Variants in ZNF813 observed in about 807,000 individuals in gnomAD.
The protein encoded by ZNF813 is zinc finger protein 813.
Under a neutral mutation model 7.2 loss-of-function variants are expected in ZNF813, and 3 were observed. The ratio of observed to expected loss-of-function variants is 0.42; its 90% confidence interval spans 0.19 to 1.08. ZNF813 has a LOEUF of 1.08. Among genes scored for constraint, ZNF813 ranks in the 50% least tolerant of loss-of-function variants. The pLI, the probability that ZNF813 is intolerant of heterozygous loss-of-function variation, is 0.30. For synonymous variants in ZNF813, 227 were observed against 256.3 expected, an observed-to-expected ratio of 0.89 and a Z score of 1.09; for missense variants, 714 against 753.3, an observed-to-expected ratio of 0.95 and a Z score of 0.61.
intron 1 of ZNF813, among the ~76,000 whole-genome samples, chr19:53,478,926 T>G (rs2086394326): frequency 7.0e-6 from 1 of 143,868 alleles, no homozygotes; most frequent in Admixed American, 7.2e-5. Context: ...AAATTGTAGG[T>G]TTTTGTTTTT....
chr19:53,476,960 C>T (rs567930200), intron 1 of ZNF813, among the ~76,000 whole-genome samples: 1 of 152,282 alleles, frequency 6.6e-6, no homozygotes, highest in African/African-American at 2.4e-5. Flanking sequence ...CCGCGCCTGG[C>T]TGTGGGAGAG....
intron 1 of ZNF813, among the ~76,000 whole-genome samples, chr19:53,469,143 C>T (rs1200027318): frequency 6.6e-6 from 1 of 152,202 alleles, no homozygotes; most frequent in Non-Finnish European, 1.5e-5. Flanking sequence ...AGCCCTAAAT[C>T]CATTAAACCT....
chr19:53,476,717 G>A (rs1217184231), intron 1 of ZNF813, among the ~76,000 whole-genome samples: 1 of 151,746 alleles, frequency 6.6e-6, no homozygotes, highest in African/African-American at 2.4e-5. Context: ...GCAGTGGTGC[G>A]ATCTTGGCTC....
At chr19:53,490,239 C>G in intron 3 of ZNF813, 136 bp from the exon 4 acceptor site, 1 of 1,019,090 alleles carries the variant, frequency 9.8e-7, no homozygotes, top group East Asian at 2.5e-5. Flanking sequence ...AAGAATCTTA[C>G]GCTTTTGTGT....
At chr19:53,483,976 C>T (rs2086421297) in intron 2 of ZNF813, 139 bp downstream of exon 2, 1 of 1,555,996 alleles carries the variant, frequency 6.4e-7, no homozygotes, top group African/African-American at 1.4e-5. Context: ...CCCTCAGTCC[C>T]TCTTTTCTCA....
intron 1 of ZNF813, among the ~76,000 whole-genome samples, chr19:53,474,699 C>A (rs1307345038): frequency 2.0e-5 from 3 of 150,522 alleles, no homozygotes; most frequent in Non-Finnish European, 3.0e-5. Flanking sequence ...AAAAAAAAAA[C>A]CAGAAATGGC....
At chr19:53,468,210 C>T (rs959719684) in intron 1 of ZNF813, among the ~76,000 whole-genome samples, 1 of 112,596 alleles carries the variant, frequency 8.9e-6, no homozygotes. Context: ...TGTCTTAAGG[C>T]GCCCTCGCGC....
In ZNF813 at chr19:53,490,661, C is replaced by A. The variant is rs1319489790; in HGVS notation, c.429C>A (p.Ser143Arg). ...NKPIKDQLGSSFHSHLPELHM... is the reference protein window; with the variant it reads ...NKPIKDQLGSRFHSHLPELHM... Reference sequence around the variant, plus strand: ...CTATTAAAGATCAGCTTGGATCAAGCTTTCATTCGCATCTGCCTGAACTCC... The same window carrying A: ...CTATTAAAGATCAGCTTGGATCAAGATTTCATTCGCATCTGCCTGAACTCC... Residue 143 changes from serine to arginine, a missense_variant, in exon 4 of 4, where the codon AGC becomes AGA. This residue lies in a region of ZNF813 where 563 missense variants were observed against 554.2 expected (regional missense o/e 1.02). Coordinates refer to ENST00000396403, the MANE Select transcript of ZNF813 (RefSeq NM_001004301.4). The A allele has an allele frequency of 6.2e-7, 1 of 1,614,168 alleles. No individual in the cohort carries two copies. The highest frequency in any genetic ancestry group is 1.3e-5 in the African/African-American group (1 of 75,048).
chr19:53,490,889 G>T lies in ZNF813; in HGVS notation c.657G>T (p.Glu219Asp), dbSNP rs1247229513. 6.2e-7 allele frequency: 1 copy of T among 1,614,156 alleles called. No homozygotes were observed. Among genetic ancestry groups the T allele is most frequent in the South Asian group, 1.1e-5 (1 of 91,084 alleles). Reference sequence around the variant, plus strand: ...GAGAAAAGTCTTTCCAATGTAATGAGAGTGGCAAAGCCTTTAATTATAGCT... The same window carrying T: ...GAGAAAAGTCTTTCCAATGTAATGATAGTGGCAAAGCCTTTAATTATAGCT... ...HMREKSFQCN[E>D]SGKAFNYSSL... The change falls in exon 4 of 4, where the codon GAG (glutamate) becomes GAT (aspartate). Residue 219 changes from glutamate to aspartate, a missense_variant. Physicochemically the swap from Glu to Asp is conservative, Grantham distance 45. Transcript: ENST00000396403.
chr19:53,487,797 C>CA (rs35942754), intron 3 of ZNF813, among the ~76,000 whole-genome samples: 15,851 of 130,000 alleles, frequency 0.12, 1,141 homozygotes, highest in African/African-American at 0.18. Context: ...GACTCTGTCT[C>CA]AAAAAAAAAA....
chr19:53,479,290 G>T (rs1267913073), intron 1 of ZNF813: 1 of 1,495,400 alleles, frequency 6.7e-7, no homozygotes. Context: ...TGGAGAGGAG[G>T]CTGCAATGCC....
intron 1 of ZNF813, among the ~76,000 whole-genome samples, chr19:53,470,431 C>CA (rs369822618): frequency 6.7e-6 from 1 of 149,498 alleles, no homozygotes; most frequent in African/African-American, 2.5e-5. Flanking sequence ...TAATAGAAAG[C>CA]ATCACTATTA....
At chr19:53,476,929 TG>T (rs1175373679) in intron 1 of ZNF813, among the ~76,000 whole-genome samples, 1 of 152,156 alleles carries the variant, frequency 6.6e-6, no homozygotes, top group Non-Finnish European at 1.5e-5. Context: ...CCCAAAGTGC[TG>T]GGATTACAGG....
In ZNF813 at chr19:53,467,777, C is replaced by A; in HGVS notation, c.-86C>A. 1 of 177,846 alleles carries A rather than the reference C, an allele frequency of 5.6e-6. No individual in the cohort carries two copies. The highest frequency in any genetic ancestry group is 1.2e-5 in the Non-Finnish European group (1 of 80,808). The allele number at this position is 177,846 out of a possible 1,614,324, so 11.0% of individuals were successfully genotyped here. On this transcript the variant is annotated 5_prime_UTR_variant, in exon 1 of 4. Coordinates refer to ENST00000396403, the MANE Select transcript of ZNF813 (RefSeq NM_001004301.4). ...GAAGCGGATCGCGTGGAGTGACGGT[C>A]CCACGGCAGCGCGTGAGTTTGGCTC...
At chr19:53,472,604 AG>A (rs1185028068) in intron 1 of ZNF813, among the ~76,000 whole-genome samples, 2 of 124,254 alleles carry the variant, frequency 1.6e-5, no homozygotes, top group Non-Finnish European at 3.5e-5. Context: ...TATAAGTACA[AG>A]TCTTTCTTTT....
intron 1 of ZNF813, among the ~76,000 whole-genome samples, chr19:53,471,216 C>T (rs2086357387): frequency 1.3e-5 from 2 of 152,042 alleles, no homozygotes; most frequent in Admixed American, 6.6e-5. Context: ...GTACACAAGC[C>T]CTTGTCCTTT....
At chr19:53,472,148 C>T (rs1003916740) in intron 1 of ZNF813, among the ~76,000 whole-genome samples, 1 of 151,966 alleles carries the variant, frequency 6.6e-6, no homozygotes, top group Non-Finnish European at 1.5e-5. Flanking sequence ...TATGGGGTAA[C>T]CTGCAGTCCA....
intron 1 of ZNF813, among the ~76,000 whole-genome samples, chr19:53,469,579 G>C (rs1342483482): frequency 6.6e-6 from 1 of 152,116 alleles, no homozygotes; most frequent in Non-Finnish European, 1.5e-5. Flanking sequence ...AGCAGGAGGA[G>C]AAAAGCAACT....
At chr19:53,468,404 A>G (rs1600106215) in intron 1 of ZNF813, among the ~76,000 whole-genome samples, 1 of 150,658 alleles carries the variant, frequency 6.6e-6, no homozygotes, top group East Asian at 1.9e-4. Context: ...GAGAAAAGAA[A>G]TAAGACACAA....
Sources: gnomAD v4.1 joint callset for allele counts (sites outside exome capture counted in the v4.1 genomes callset) on GRCh38, gnomAD v4.1.1 for gene constraint, gnomAD v4.1.1 regional missense constraint, MANE v1.5 for transcripts, NCBI Gene and HGNC (gene_info 2026-07-23, HGNC 2026-07-21) for gene names.